Variants in ENTREP3 observed in about 807,000 individuals in gnomAD.
ENTREP3 encodes the protein endosomal transmembrane epsin interactor 3.
chr1:155,247,413 AGG>A, the ENTREP3 span: 1 of 527,900 alleles, frequency 1.9e-6, no homozygotes, highest in South Asian at 1.5e-5. Context: ...CCCATTGCAT[AGG>A]CACACGTCAC....
chr1:155,250,732 G>A, the ENTREP3 span: 15 of 1,612,854 alleles, frequency 9.3e-6, no homozygotes, highest in Non-Finnish European at 1.3e-5. This position sits in a 1 kb window ranked among gnomAD's most constrained non-coding sequence, Gnocchi z 5.4. Context: ...GAGCCCTGCA[G>A]CTCCAGCAGG....
chr1:155,251,820 A>G, the ENTREP3 span: 1 of 1,575,984 alleles, frequency 6.3e-7, no homozygotes, highest in South Asian at 1.2e-5. Flanking sequence ...CTCCAGGTCC[A>G]GCATGGTGTG....
At chr1:155,253,606 G>GC in the ENTREP3 span, 5 of 1,578,018 alleles carry the variant, frequency 3.2e-6, no homozygotes, top group African/African-American at 5.4e-5. Flanking sequence ...GCGTGCCCTG[G>GC]CCCCTGCTCC....
chr1:155,253,814 G>A, the ENTREP3 span: 2 of 1,611,690 alleles, frequency 1.2e-6, no homozygotes, highest in Non-Finnish European at 1.7e-6. Context: ...CAGCAGGGGA[G>A]GCAAGAGTGA....
chr1:155,250,886 C>G, the ENTREP3 span: 1 of 1,477,906 alleles, frequency 6.8e-7, no homozygotes, highest in African/African-American at 1.4e-5. The surrounding 1 kb of genome is among the most constrained non-coding windows in gnomAD (Gnocchi z 5.4). Context: ...CCAGGCAGTT[C>G]CTCTTCTCCC....
chr1:155,248,423 C>A, the ENTREP3 span: 2 of 1,614,034 alleles, frequency 1.2e-6, no homozygotes, highest in Non-Finnish European at 1.7e-6. Flanking sequence ...GCAGAGGAAA[C>A]AGAAGCAGCT....
At chr1:155,253,242 G>A in the ENTREP3 span, 25 of 178,014 alleles carry the variant, frequency 1.4e-4, no homozygotes, top group African/African-American at 1.2e-4. Flanking sequence ...ACAGGGTTTC[G>A]CCATGTTGGC....
At chr1:155,254,636 C>A in the ENTREP3 span, 5 of 1,605,220 alleles carry the variant, frequency 3.1e-6, no homozygotes, top group Non-Finnish European at 4.2e-6. This position sits in a 1 kb window ranked among gnomAD's most constrained non-coding sequence, Gnocchi z 4.4. Flanking sequence ...CACCCAACAA[C>A]TGTGCACCCA....
At chr1:155,250,254 G>A in the ENTREP3 span, 2 of 1,541,210 alleles carry the variant, frequency 1.3e-6, no homozygotes, top group Non-Finnish European at 1.7e-6. The surrounding 1 kb of genome is among the most constrained non-coding windows in gnomAD (Gnocchi z 5.4). Context: ...CCTGAGCCTG[G>A]GCAGTCGGGG....
the ENTREP3 span, chr1:155,254,106 C>T: frequency 9.9e-6 from 16 of 1,614,086 alleles, no homozygotes; most frequent in East Asian, 4.5e-5. This position sits in a 1 kb window ranked among gnomAD's most constrained non-coding sequence, Gnocchi z 4.4. Context: ...TTGGAAGTCT[C>T]GGGCCAGTTG....
At chr1:155,248,141 C>T in the ENTREP3 span, 2 of 1,614,154 alleles carry the variant, frequency 1.2e-6, no homozygotes, top group South Asian at 1.1e-5. Flanking sequence ...ACCTGGCCAG[C>T]TGCCCTTTAG....
At chr1:155,254,050 C>T in the ENTREP3 span, 35 of 1,613,780 alleles carry the variant, frequency 2.2e-5, no homozygotes, top group Non-Finnish European at 2.6e-5. This position sits in a 1 kb window ranked among gnomAD's most constrained non-coding sequence, Gnocchi z 4.4. Context: ...CTCCCCCAGC[C>T]AGTTCTTTCC....
the ENTREP3 span, chr1:155,254,879 C>T: frequency 1.3e-6 from 2 of 1,557,522 alleles, no homozygotes; most frequent in African/African-American, 1.4e-5. This position sits in a 1 kb window ranked among gnomAD's most constrained non-coding sequence, Gnocchi z 4.4. Context: ...GGGCATCATG[C>T]CTGCTGCCCG....
the ENTREP3 span, chr1:155,250,706 G>A: frequency 6.2e-7 from 1 of 1,613,030 alleles, no homozygotes; most frequent in Non-Finnish European, 8.5e-7. The surrounding 1 kb of genome is among the most constrained non-coding windows in gnomAD (Gnocchi z 5.4). Flanking sequence ...AGAGAACGTA[G>A]TCCACGGAGC....
the ENTREP3 span, chr1:155,248,588 C>T: frequency 7.3e-6 from 6 of 817,486 alleles, no homozygotes; most frequent in East Asian, 1.0e-4. Flanking sequence ...ACGCTCCATC[C>T]CCAATCAAAG....
the ENTREP3 span, chr1:155,248,515 T>G: frequency 1.3e-6 from 2 of 1,580,422 alleles, no homozygotes; most frequent in African/African-American, 2.7e-5. Flanking sequence ...TGAGTGGAAG[T>G]GTTCTGTGGA....
chr1:155,253,374 CA>C, the ENTREP3 span: 1 of 496,676 alleles, frequency 2.0e-6, no homozygotes. Context: ...CCCCACCATC[CA>C]GTCCCATTCT....
chr1:155,255,018 G>A, the ENTREP3 span: 1 of 668,274 alleles, frequency 1.5e-6, no homozygotes, highest in South Asian at 1.9e-5. The surrounding 1 kb of genome is among the most constrained non-coding windows in gnomAD (Gnocchi z 5.6). Flanking sequence ...CCTGGGGCAT[G>A]GCCGAGGGAC....
the ENTREP3 span, chr1:155,247,397 T>C: frequency 2.0e-6 from 1 of 510,004 alleles, no homozygotes; most frequent in Non-Finnish European, 3.8e-6. Flanking sequence ...GTGCCTGCCT[T>C]ACCACCCCAT....
Sources: gnomAD v4.1 joint callset for allele counts on GRCh38, gnomAD v4.1.1 for gene constraint, Gnocchi (gnomAD v3.1) non-coding constraint, MANE v1.5 for transcripts, NCBI Gene and HGNC (gene_info 2026-07-23, HGNC 2026-07-21) for gene names.